The following UNC5D variants were observed in gnomAD, a reference collection of about 807,000 sequenced individuals.
UNC5D encodes the protein netrin receptor UNC5D.
In UNC5D, 39 loss-of-function variants were observed where a neutral mutation model predicts 105.4. The observed-to-expected ratio is 0.37, with a 90% CI of 0.29 to 0.48. The LOEUF is 0.48. Ranked by LOEUF, UNC5D falls within the 20% of genes least tolerant of loss-of-function variation. The probability of loss-of-function intolerance (pLI) is 0.98; values close to 1 mark genes in which losing one functional copy is unlikely to be tolerated. For missense variants in UNC5D, 991 were observed against 1,202.4 expected, an observed-to-expected ratio of 0.82 and a Z score of 2.60; for synonymous variants, 452 against 450.4, an observed-to-expected ratio of 1.00 and a Z score of -0.04.
intron 1 of UNC5D, among the ~76,000 whole-genome samples, chr8:35,271,046 T>A (rs1398041208): frequency 6.6e-6 from 1 of 151,714 alleles, no homozygotes; most frequent in East Asian, 1.9e-4. Context: ...CATGTCACAG[T>A]AATCATAACT....
chr8:35,561,106 T>G (rs1224290000), intron 2 of UNC5D, among the ~76,000 whole-genome samples: 1 of 152,154 alleles, frequency 6.6e-6, no homozygotes, highest in Non-Finnish European at 1.5e-5. Context: ...GGCTAATTTT[T>G]AGAGAGATCA....
rs574198822 is a variant in UNC5D, at chr8:35,525,711, C to G, written c.104-23581C>G. 2.5e-6 allele frequency: 4 copies of G among 1,594,520 alleles called. No individual in the cohort carries two copies. In the Middle Eastern group the frequency reaches 6.6e-4, roughly 262 times the overall value. On this transcript the variant is annotated intron_variant, in intron 1 of 16. Coordinates refer to ENST00000404895, the MANE Select transcript of UNC5D (RefSeq NM_080872.4). Reference sequence around the variant, plus strand: ...CTGCAGCCGCTGCTCCTGGCACGTCCGGCACGACACCTGGCTCCCAACGCT... The same window carrying G: ...CTGCAGCCGCTGCTCCTGGCACGTCGGGCACGACACCTGGCTCCCAACGCT...
At chr8:35,712,762 T>A (rs1369789720) in intron 8 of UNC5D, among the ~76,000 whole-genome samples, 2 of 152,212 alleles carry the variant, frequency 1.3e-5, no homozygotes, top group Non-Finnish European at 2.9e-5. Context: ...GATTAGGATC[T>A]TGAATCCACA....
intron 2 of UNC5D, among the ~76,000 whole-genome samples, chr8:35,566,536 A>G (rs947727831): frequency 5.3e-5 from 8 of 152,226 alleles, no homozygotes; most frequent in African/African-American, 1.7e-4. Flanking sequence ...AAAATAAAGG[A>G]ACAGAATTGA....
chr8:35,785,299 C>T (rs1802693597), intron 16 of UNC5D, among the ~76,000 whole-genome samples: 1 of 152,118 alleles, frequency 6.6e-6, no homozygotes, highest in South Asian at 2.1e-4. Flanking sequence ...TGCATTTGCA[C>T]ACATGTAAGC....
chr8:35,678,237 C>A (rs1411264121), intron 4 of UNC5D, among the ~76,000 whole-genome samples: 1 of 152,132 alleles, frequency 6.6e-6, no homozygotes, highest in Admixed American at 6.5e-5. Flanking sequence ...TGCAGTGGAC[C>A]TGGCATGACC....
intron 2 of UNC5D, among the ~76,000 whole-genome samples, chr8:35,556,421 G>GA (rs1563531878): frequency 6.6e-6 from 1 of 152,148 alleles, no homozygotes; most frequent in Non-Finnish European, 1.5e-5. Context: ...CAGTGTTACA[G>GA]AAAAGGGGTC....
At chr8:35,635,391 G>A (rs767945957) in intron 4 of UNC5D, among the ~76,000 whole-genome samples, 4 of 152,094 alleles carry the variant, frequency 2.6e-5, no homozygotes, top group Non-Finnish European at 5.9e-5. Context: ...GTCTTAACCC[G>A]TTAAGTGTTT....
chr8:35,362,055 A>G (rs1033447389), intron 1 of UNC5D, among the ~76,000 whole-genome samples: 2 of 152,170 alleles, frequency 1.3e-5, no homozygotes, highest in South Asian at 4.1e-4. Flanking sequence ...TTGATGGGTT[A>G]TAGTATTAAT....
intron 8 of UNC5D, among the ~76,000 whole-genome samples, chr8:35,708,265 T>C (rs1827721903): frequency 6.6e-6 from 1 of 152,154 alleles, no homozygotes; most frequent in Admixed American, 6.5e-5. Context: ...AGTGAAGTCT[T>C]AAGATATCTG....
intron 1 of UNC5D, among the ~76,000 whole-genome samples, chr8:35,493,823 A>C (rs1171603500): frequency 6.6e-6 from 1 of 152,188 alleles, no homozygotes; most frequent in African/African-American, 2.4e-5. Context: ...TATTTCCATG[A>C]ATAAGACCTT....
At chr8:35,287,579 A>G (rs1806698797) in intron 1 of UNC5D, among the ~76,000 whole-genome samples, 1 of 151,814 alleles carries the variant, frequency 6.6e-6, no homozygotes, top group South Asian at 2.1e-4. Flanking sequence ...TAATCATTTG[A>G]GTCCAGGAGT....
chr8:35,519,790 T>C (rs978474072), intron 1 of UNC5D, among the ~76,000 whole-genome samples: 1 of 151,936 alleles, frequency 6.6e-6, no homozygotes, highest in Admixed American at 6.6e-5. Flanking sequence ...ATCAGAAGAA[T>C]ATGAATGGCT....
chr8:35,575,390 A>G (rs1388485869), intron 3 of UNC5D, among the ~76,000 whole-genome samples: 1 of 152,176 alleles, frequency 6.6e-6, no homozygotes. Context: ...CTAACATGGC[A>G]TCTGGCTTCT....
intron 1 of UNC5D, among the ~76,000 whole-genome samples, chr8:35,418,083 G>C (rs1307968070): frequency 6.6e-6 from 1 of 152,072 alleles, no homozygotes; most frequent in Non-Finnish European, 1.5e-5. Flanking sequence ...GCCCCCTGCA[G>C]AGTGAGTGAG....
chr8:35,751,894 C>A (rs910900822), intron 13 of UNC5D, among the ~76,000 whole-genome samples: 19 of 151,862 alleles, frequency 1.3e-4, no homozygotes, highest in Non-Finnish European at 2.1e-4. Context: ...TGGATGGATG[C>A]GATTTAGGAA....
At chr8:35,512,207 T>C (rs1439757645) in intron 1 of UNC5D, among the ~76,000 whole-genome samples, 2 of 151,752 alleles carry the variant, frequency 1.3e-5, no homozygotes, top group Non-Finnish European at 2.9e-5. Context: ...TTCCCTTTCA[T>C]ATACTAATGC....
At chr8:35,751,977 T>G (rs780938295) in intron 13 of UNC5D, among the ~76,000 whole-genome samples, 51 of 152,174 alleles carry the variant, frequency 3.4e-4, no homozygotes, top group Admixed American at 1.6e-3. Flanking sequence ...AGTTATTTGA[T>G]GTGCAGAGGG....
At chr8:35,643,769 T>C (rs1017109033) in intron 4 of UNC5D, among the ~76,000 whole-genome samples, 8 of 152,156 alleles carry the variant, frequency 5.3e-5, no homozygotes, top group Admixed American at 2.6e-4. Context: ...TTTAGGATGC[T>C]AATGGTTCAG....
Sources: gnomAD v4.1 joint callset for allele counts (sites outside exome capture counted in the v4.1 genomes callset) on GRCh38, gnomAD v4.1.1 for gene constraint, MANE v1.5 for transcripts, NCBI Gene and HGNC (gene_info 2026-07-23, HGNC 2026-07-21) for gene names.